Variants in HLA-DMB observed in about 807,000 individuals in gnomAD.
HLA-DMB encodes major histocompatibility complex, class II, DM beta.
In HLA-DMB, 18 loss-of-function variants were observed where a neutral mutation model predicts 29.3. The ratio of observed to expected loss-of-function variants is 0.62; its 90% CI spans 0.43 to 0.91. The LOEUF is 0.91. Among genes scored for constraint, HLA-DMB ranks in the 40% least tolerant of loss-of-function variants. The pLI is 0.00. For synonymous variants in HLA-DMB, 143 were observed against 128.7 expected (o/e 1.11, Z -0.75); for missense variants, 258 against 320.9 (o/e 0.80, Z 1.50).
At chr6:32,936,002 A>C in intron 3 of HLA-DMB, 1 of 278,714 alleles carries the variant, frequency 3.6e-6, no homozygotes, top group Non-Finnish European at 6.8e-6. Flanking sequence ...CATTGCCCCC[A>C]CGGTAACAAT....
In HLA-DMB at chr6:32,934,920, T is replaced by C. The variant is rs372596135; in HGVS notation, c.*51A>G. 4.0e-5 allele frequency: 62 copies of C among 1,563,882 alleles called. No individual in the cohort carries two copies. Among genetic ancestry groups the C allele is most frequent in the African/African-American group, 5.4e-5 (4 of 73,962 alleles). On this transcript the variant is annotated 3_prime_UTR_variant, in exon 6 of 6. Coordinates refer to ENST00000418107, the MANE Select transcript of HLA-DMB (RefSeq NM_002118.5). ...ATGTTGGAGAGGCATGGTAGCATCA[T>C]TGAGTTTGAATCTCCTTCTCACTTG...
chr6:32,940,796 G>C lies in HLA-DMB; in HGVS notation c.12C>G (p.Phe4Leu). Residue 4 changes from phenylalanine (F) to leucine (L), a missense_variant, in exon 1 of 6, where the codon TTC becomes TTG. Transcript: ENST00000418107. MIT[F>L]LPLLLGLSLG... is the part of the protein sequence containing the mutation. ...GGCTGAGCCCCAGCAGCAGCGGCAG[G>C]AATGTGATCATGCTCTGCTCTGTAA... 2.5e-6 allele frequency: 4 copies of C among 1,601,420 alleles called. No homozygotes were observed. Among genetic ancestry groups the C allele is most frequent in the Non-Finnish European group, 3.4e-6 (4 of 1,174,638 alleles).
At position 32,937,688 on chromosome 6, in the gene HLA-DMB, T is replaced by C; in HGVS notation, c.338-232A>G. Reference sequence around the variant, plus strand: ...TTCTTTCTTTCCTCCTCCAGAATTATGTTTGATTACAATTAGTAAAAGCCA... The same window carrying C: ...TTCTTTCTTTCCTCCTCCAGAATTACGTTTGATTACAATTAGTAAAAGCCA... On this transcript the variant is annotated intron_variant, in intron 2 of 5. Coordinates refer to ENST00000418107, the MANE Select transcript of HLA-DMB (RefSeq NM_002118.5). The surrounding 1 kb of genome is among the most constrained non-coding windows in gnomAD (Gnocchi z 4.1). The C allele has an allele frequency of 1.8e-6, 1 of 564,790 alleles. No homozygotes were observed. The highest frequency in any genetic ancestry group is 2.4e-5 in the South Asian group (1 of 41,274). The allele number at this position is 564,790 out of a possible 1,614,324, so 35.0% of individuals were successfully genotyped here.
chr6:32,938,833 G>A lies in HLA-DMB; in HGVS notation c.188C>T (p.Pro63Leu). The A allele has an allele frequency of 6.2e-7, 1 of 1,612,190 alleles. No individual in the cohort carries two copies. Residue 63 changes from proline (P) to leucine (L), a missense_variant, in exon 2 of 6, where the codon CCT becomes CTT. Pro to Leu is a moderately conservative substitution (Grantham distance 98). Transcript: ENST00000418107. Reference sequence around the variant, plus strand: ...GCTATTCAGCACCCCAAATTCGCAAGGGGCCATCTTATTCTCCTCTGGATC... The same window carrying A: ...GCTATTCAGCACCCCAAATTCGCAAAGGGCCATCTTATTCTCCTCTGGATC... The part of the protein sequence containing the change: ...CWDPEENKMA[P>L]CEFGVLNSLA...
chr6:32,934,798 T>C lies in HLA-DMB; in HGVS notation c.*173A>G. ...TTACAGCATAGTCCCAGGAATGAGG[T>C]CCCCCAAGTTGCTAAGTTTTACATA... On this transcript the variant is annotated 3_prime_UTR_variant, in exon 6 of 6. Coordinates refer to ENST00000418107, the MANE Select transcript of HLA-DMB (RefSeq NM_002118.5). 2 of 650,688 alleles carry C rather than the reference T, an allele frequency of 3.1e-6. No individual in the cohort carries two copies. Among genetic ancestry groups the C allele is most frequent in the South Asian group, 3.8e-5 (2 of 52,616 alleles). 40.3% of individuals were successfully genotyped at this position (650,688 alleles called of 1,614,324 possible).
chr6:32,938,567 C>T lies in HLA-DMB; in HGVS notation c.337+117G>A, dbSNP rs748224010. The T allele has an allele frequency of 2.4e-5, 25 of 1,049,676 alleles. 1 individual carries two copies. In the South Asian group the frequency reaches 5.1e-4, roughly 22 times the overall value. 65.0% of individuals were successfully genotyped at this position (1,049,676 alleles called of 1,614,324 possible). On this transcript the variant is annotated intron_variant, in intron 2 of 5. Coordinates refer to ENST00000418107, the MANE Select transcript of HLA-DMB (RefSeq NM_002118.5). ...TCCGTCTTTCTACATTTCAGATCCA[C>T]ACATTTTCTCTTATTTGCTGCTCAA...
chr6:32,935,034 C>A (rs202164270), intron 5 of HLA-DMB, 47 bp from the exon 6 acceptor site: 14 of 1,608,768 alleles, frequency 8.7e-6, no homozygotes, highest in Non-Finnish European at 8.5e-6. Context: ...ACCCAACTTG[C>A]CCCCATCGTT....
At chr6:32,939,173 T>G (rs529668267) in intron 1 of HLA-DMB, among the ~76,000 whole-genome samples, 27 of 151,928 alleles carry the variant, frequency 1.8e-4, no homozygotes, top group African/African-American at 6.5e-4. Context: ...ATAACAGGAG[T>G]GTCTTTTGTT....
chr6:32,934,927 T>C lies in HLA-DMB; in HGVS notation c.*44A>G. On this transcript the variant is annotated 3_prime_UTR_variant, in exon 6 of 6. Transcript: ENST00000418107. The stretch of plus-strand genomic sequence containing the variant: ...AGAGGCATGGTAGCATCATTGAGTT[T>C]GAATCTCCTTCTCACTTGGAGTGGA... 1 of 1,592,314 alleles carries C rather than the reference T, an allele frequency of 6.3e-7. No homozygotes were observed. Among genetic ancestry groups the C allele is most frequent in the Non-Finnish European group, 8.6e-7 (1 of 1,161,188 alleles).
At position 32,934,873 on chromosome 6, in the gene HLA-DMB, A is replaced by G; in HGVS notation, c.*98T>C. The G allele has an allele frequency of 8.2e-7, 1 of 1,222,828 alleles. No individual in the cohort carries two copies. The highest frequency in any genetic ancestry group is 1.2e-5 in the South Asian group (1 of 81,352). The allele number at this position is 1,222,828 out of a possible 1,614,324, so 75.7% of individuals were successfully genotyped here. ...TTGGATGGAGAAACCATAGGATCCAAGATAATGTCAGGGGGTTGAAGATGT... is the reference window on the plus strand; with the variant it reads ...TTGGATGGAGAAACCATAGGATCCAGGATAATGTCAGGGGGTTGAAGATGT... On this transcript the variant is annotated 3_prime_UTR_variant, in exon 6 of 6. Transcript: ENST00000418107.
Position 32,935,346 on chromosome 6 carries a change from T to G in HLA-DMB, c.771A>C (p.Ser257=). The change falls in exon 5 of 6, where the codon TCA becomes TCC. Residue 257 remains serine (S), a synonymous_variant. Coordinates refer to ENST00000418107, the MANE Select transcript of HLA-DMB (RefSeq NM_002118.5). ...SYTPLPGSNY[S]EGWHIS is the part of the protein sequence containing the mutation. ...ACAGACCAACAGAGATGTTACCTTCTGAATAATTGGACCCAGGAAGAGGAG... is the reference window on the plus strand; with the variant it reads ...ACAGACCAACAGAGATGTTACCTTCGGAATAATTGGACCCAGGAAGAGGAG... 6.2e-7 allele frequency: 1 copy of G among 1,611,058 alleles called. No individual in the cohort carries two copies. The highest frequency in any genetic ancestry group is 2.2e-5 in the East Asian group (1 of 44,878).
At chr6:32,939,147 G>A (rs546113783) in intron 1 of HLA-DMB, among the ~76,000 whole-genome samples, 182 bp from the exon 2 acceptor site, 4 of 152,196 alleles carry the variant, frequency 2.6e-5, no homozygotes, top group African/African-American at 9.6e-5. Flanking sequence ...GTGCCTAATC[G>A]CTTAGAATTT....
intron 3 of HLA-DMB, 43 bp from the exon 4 acceptor site, chr6:32,935,695 A>G: frequency 7.0e-7 from 1 of 1,421,154 alleles, no homozygotes; most frequent in Non-Finnish European, 9.9e-7. Flanking sequence ...TCTGTTGCTC[A>G]CCCCCAGGGC....
chr6:32,939,214 G>A (rs1776204239), intron 1 of HLA-DMB, among the ~76,000 whole-genome samples: 7 of 152,164 alleles, frequency 4.6e-5, no homozygotes. Context: ...GGCTCCTGCA[G>A]GAGGGGCTGG....
chr6:32,940,690 G>C (rs1302701641), intron 1 of HLA-DMB, 63 bp downstream of exon 1: 1 of 1,339,060 alleles, frequency 7.5e-7, no homozygotes, highest in Non-Finnish European at 1.0e-6. Context: ...ATTACAAAAC[G>C]GAACACCCTT....
chr6:32,935,639 G>C lies in HLA-DMB; in HGVS notation c.636C>G (p.Ser212=). The change falls in exon 4 of 6, where the codon TCC becomes TCG. Residue 212 remains serine (S), a synonymous_variant. Transcript: ENST00000418107. ...PILRDWTPGL[S]PMQTLKVSVS... Reference sequence around the variant, plus strand: ...CAGAAACCTTCAGGGTCTGCATGGGGGACAGCCCAGGTGCTGCAAAAAATA... The same window carrying C: ...CAGAAACCTTCAGGGTCTGCATGGGCGACAGCCCAGGTGCTGCAAAAAATA... The C allele has an allele frequency of 6.2e-7, 1 of 1,612,058 alleles. No homozygotes were observed.
intron 1 of HLA-DMB, among the ~76,000 whole-genome samples, chr6:32,939,922 T>C (rs1776250106): frequency 6.6e-6 from 1 of 152,022 alleles, no homozygotes; most frequent in Non-Finnish European, 1.5e-5. Flanking sequence ...GTGTCTGAAA[T>C]GGAGGCAGTC....
Position 32,937,498 on chromosome 6 carries a change from T to C in HLA-DMB, c.338-42A>G. ...AACATGTTTAGGAAGGAGGGTGACATTCTGGCTGCTTCCTCAACCTGGTTT... is the reference window on the plus strand; with the variant it reads ...AACATGTTTAGGAAGGAGGGTGACACTCTGGCTGCTTCCTCAACCTGGTTT... On this transcript the variant is annotated intron_variant, in intron 2 of 5. Transcript: ENST00000418107. The surrounding 1 kb of genome is among the most constrained non-coding windows in gnomAD (Gnocchi z 4.1). 1 of 1,557,622 alleles carries C rather than the reference T, an allele frequency of 6.4e-7. No individual in the cohort carries two copies. The highest frequency in any genetic ancestry group is 8.8e-7 in the Non-Finnish European group (1 of 1,142,020).
intron 4 of HLA-DMB, 66 bp downstream of exon 4, chr6:32,935,470 T>A: frequency 6.6e-7 from 1 of 1,517,362 alleles, no homozygotes; most frequent in African/African-American, 1.4e-5. Context: ...AGAGAGTTAA[T>A]CACAAACAGA....
Sources: allele counts gnomAD v4.1 joint callset (sites outside exome capture counted in the v4.1 genomes callset), GRCh38; gene constraint gnomAD v4.1.1; non-coding constraint Gnocchi (gnomAD v3.1); transcripts MANE v1.5; gene names NCBI Gene and HGNC (gene_info 2026-07-23, HGNC 2026-07-21).